SLC39A11: variants seen among roughly 807,000 people sequenced by gnomAD.
The protein encoded by SLC39A11 is zinc transporter ZIP11.
Under a neutral mutation model 36.1 loss-of-function variants are expected in SLC39A11, and 33 were observed. The observed-to-expected ratio is 0.91, with a 90% CI of 0.69 to 1.22. SLC39A11 has a LOEUF of 1.22. Ranked by LOEUF, SLC39A11 falls within the 50% of genes most tolerant of loss-of-function variation. The pLI is 0.00. For synonymous variants in SLC39A11, 166 were observed against 170.3 expected (o/e 0.97, Z 0.20); for missense variants, 432 against 430.3 (o/e 1.00, Z -0.03).
chr17:72,927,618 T>A (rs1356509500), intron 5 of SLC39A11, among the ~76,000 whole-genome samples: 1 of 152,102 alleles, frequency 6.6e-6, no homozygotes, highest in East Asian at 1.9e-4. Context: ...GAATGCCAAT[T>A]CCATGTTGCA....
At chr17:72,648,317 G>A (rs4538052) in intron 9 of SLC39A11, among the ~76,000 whole-genome samples, 76,877 of 144,922 alleles carry the variant, frequency 0.53, 20,792 homozygotes, top group Non-Finnish European at 0.59. Context: ...GTGACAGAGC[G>A]AGACTCTGCC....
chr17:72,759,425 CAGG>C (rs1282915507), intron 6 of SLC39A11, among the ~76,000 whole-genome samples: 1 of 152,154 alleles, frequency 6.6e-6, no homozygotes. Context: ...ACTAGTAGAG[CAGG>C]AGAATACAAA....
At chr17:72,846,018 C>CTTTTTTTT (rs569100122) in intron 6 of SLC39A11, among the ~76,000 whole-genome samples, 2,532 of 57,954 alleles carry the variant, frequency 0.044, 550 homozygotes, top group Non-Finnish European at 0.056. Flanking sequence ...CTCTCTCTCT[C>CTTTTTTTT]TTTTTTTTTT....
intron 7 of SLC39A11, among the ~76,000 whole-genome samples, chr17:72,659,930 T>C (rs1036484101): frequency 6.6e-6 from 1 of 152,094 alleles, no homozygotes; most frequent in African/African-American, 2.4e-5. Context: ...CTGAACCTGC[T>C]GGATTTTTAG....
At chr17:72,785,767 T>C (rs967578295) in intron 6 of SLC39A11, among the ~76,000 whole-genome samples, 1 of 152,204 alleles carries the variant, frequency 6.6e-6, no homozygotes, top group Admixed American at 6.5e-5. Context: ...GTTTTTCTCA[T>C]CCTGCCCATT....
chr17:73,026,016 G>A (rs576442843), intron 4 of SLC39A11, among the ~76,000 whole-genome samples: 32 of 151,832 alleles, frequency 2.1e-4, no homozygotes, highest in African/African-American at 7.3e-4. Context: ...TACTCAAGAG[G>A]CTGAGGCGGG....
At chr17:73,020,623 G>T (rs1348942030) in intron 4 of SLC39A11, among the ~76,000 whole-genome samples, 5 of 151,834 alleles carry the variant, frequency 3.3e-5, no homozygotes, top group Non-Finnish European at 5.9e-5. Flanking sequence ...CCTCCCCAGG[G>T]GACCATGTGA....
intron 4 of SLC39A11, among the ~76,000 whole-genome samples, chr17:73,006,779 G>C (rs947434420): frequency 2.3e-4 from 35 of 152,248 alleles, no homozygotes; most frequent in African/African-American, 7.9e-4. Context: ...GACAGTACGT[G>C]ATTGAGTCTC....
intron 5 of SLC39A11, among the ~76,000 whole-genome samples, chr17:72,850,711 A>G (rs2079269326): frequency 3.3e-5 from 5 of 152,212 alleles, no homozygotes; most frequent in Admixed American, 3.3e-4. Context: ...TCGTAAAACT[A>G]GAATAATAGC....
chr17:72,812,652 AG>A (rs2077468248), intron 6 of SLC39A11, among the ~76,000 whole-genome samples: 1 of 152,220 alleles, frequency 6.6e-6, no homozygotes, highest in Admixed American at 6.5e-5. Flanking sequence ...TGATTTGAAA[AG>A]TGCACATACT....
intron 6 of SLC39A11, among the ~76,000 whole-genome samples, chr17:72,787,008 C>G (rs560228324): frequency 1.3e-5 from 2 of 151,624 alleles, no homozygotes; most frequent in Non-Finnish European, 2.9e-5. Flanking sequence ...TTAGTAGAGA[C>G]GGGGTTTCAC....
chr17:72,897,575 G>A (rs1029294502), intron 5 of SLC39A11, among the ~76,000 whole-genome samples: 5 of 152,202 alleles, frequency 3.3e-5, no homozygotes, highest in Non-Finnish European at 5.9e-5. Flanking sequence ...GAGCCGATGG[G>A]TTGAGTTTGG....
At chr17:72,776,723 C>T (rs1028984760) in intron 6 of SLC39A11, among the ~76,000 whole-genome samples, 7 of 151,332 alleles carry the variant, frequency 4.6e-5, no homozygotes, top group African/African-American at 1.7e-4. Flanking sequence ...TATATATACC[C>T]GTGGTCTGGT....
At chr17:72,865,915 TTAGA>T (rs1363269713) in intron 5 of SLC39A11, among the ~76,000 whole-genome samples, 1 of 152,004 alleles carries the variant, frequency 6.6e-6, no homozygotes, top group Admixed American at 6.6e-5. Context: ...AACAGACAAA[TTAGA>T]TAGTCGGATA....
chr17:72,988,323 C>T (rs147687701), intron 4 of SLC39A11, among the ~76,000 whole-genome samples: 15 of 152,170 alleles, frequency 9.9e-5, no homozygotes, highest in South Asian at 4.2e-4. Context: ...TGGCCGGGTG[C>T]GGTGGTACAT....
intron 5 of SLC39A11, among the ~76,000 whole-genome samples, chr17:72,936,102 G>C (rs956917834): frequency 6.6e-6 from 1 of 152,066 alleles, no homozygotes; most frequent in Admixed American, 6.5e-5. Flanking sequence ...GGAAACTGAG[G>C]CACGGAAATC....
At chr17:72,829,481 G>C (rs957650227) in intron 6 of SLC39A11, among the ~76,000 whole-genome samples, 3 of 152,148 alleles carry the variant, frequency 2.0e-5, no homozygotes, top group African/African-American at 7.2e-5. Context: ...GAGGGACAGG[G>C]AAGAGCTAAG....
intron 5 of SLC39A11, among the ~76,000 whole-genome samples, chr17:72,927,937 T>C (rs780935590): frequency 2.6e-5 from 4 of 152,102 alleles, no homozygotes; most frequent in Non-Finnish European, 4.4e-5. Flanking sequence ...CTGAGCCATA[T>C]AGCACAGTCC....
intron 7 of SLC39A11, chr17:72,725,670 T>C (rs1366665107): frequency 1.3e-5 from 2 of 152,254 alleles, no homozygotes; most frequent in Middle Eastern, 6.8e-3. Context: ...GGTGGCGCCG[T>C]CTGTCCACCG....
Sources: gnomAD v4.1 joint callset for allele counts (sites outside exome capture counted in the v4.1 genomes callset) on GRCh38, gnomAD v4.1.1 for gene constraint, MANE v1.5 for transcripts, NCBI Gene and HGNC (gene_info 2026-07-23, HGNC 2026-07-21) for gene names.